Variants in QKI observed in about 807,000 individuals in gnomAD.
The protein encoded by QKI is KH domain-containing RNA-binding protein QKI.
In QKI, 10 loss-of-function variants were observed where a neutral mutation model predicts 39.0. The ratio of observed to expected loss-of-function variants is 0.26; its 90% CI spans 0.16 to 0.43. The LOEUF (loss-of-function observed/expected upper bound fraction) is 0.43, where lower values mean the gene tolerates loss of function less well. Ranked by LOEUF, QKI falls within the 20% of genes least tolerant of loss-of-function variation. QKI has a pLI of 1.00. For synonymous variants in QKI, 204 were observed against 155.4 expected (o/e 1.31, Z -2.33); for missense variants, 218 against 428.0 (o/e 0.51, Z 4.33).
chr6:163,465,208 A>T (rs188323169), intron 2 of QKI, among the ~76,000 whole-genome samples: 3 of 152,348 alleles, frequency 2.0e-5, no homozygotes, highest in Non-Finnish European at 4.4e-5. Flanking sequence ...TATGTGTGAC[A>T]GGCCCACAGC....
chr6:163,421,580 A>G (rs1404196919), intron 1 of QKI, among the ~76,000 whole-genome samples: 1 of 152,120 alleles, frequency 6.6e-6, no homozygotes, highest in Non-Finnish European at 1.5e-5. Context: ...GAGTGATTTT[A>G]GTTTAAAAGA....
At chr6:163,521,273 A>G (rs994505662) in intron 3 of QKI, among the ~76,000 whole-genome samples, 9 of 152,118 alleles carry the variant, frequency 5.9e-5, no homozygotes, top group African/African-American at 1.2e-4. Context: ...ATCCTTCCCT[A>G]TGGGAATCGC....
At chr6:163,500,677 A>G (rs548345151) in intron 3 of QKI, among the ~76,000 whole-genome samples, 13 of 152,314 alleles carry the variant, frequency 8.5e-5, no homozygotes, top group African/African-American at 3.1e-4. Flanking sequence ...TAATGCATAC[A>G]CTTAGAAATT....
At chr6:163,532,635 G>A (rs1012001092) in intron 3 of QKI, among the ~76,000 whole-genome samples, 9 of 152,172 alleles carry the variant, frequency 5.9e-5, no homozygotes, top group African/African-American at 1.4e-4. Context: ...TCCCTTACCC[G>A]TGGGGAATCC....
chr6:163,534,894 A>C (rs1431225104), intron 3 of QKI, 88 bp from the exon 4 acceptor site: 1 of 1,070,378 alleles, frequency 9.3e-7, no homozygotes, highest in East Asian at 2.8e-5. Context: ...AACATAGCTG[A>C]AATAATTGAC....
intron 3 of QKI, among the ~76,000 whole-genome samples, chr6:163,523,204 G>A (rs1377238205): frequency 6.6e-6 from 1 of 151,994 alleles, no homozygotes; most frequent in African/African-American, 2.4e-5. Context: ...TTTCACAGAA[G>A]GCAGGTAAAA....
intron 3 of QKI, among the ~76,000 whole-genome samples, chr6:163,492,449 C>A (rs1271347027): frequency 6.6e-6 from 1 of 152,052 alleles, no homozygotes; most frequent in Non-Finnish European, 1.5e-5. Flanking sequence ...TGTTTAACAA[C>A]AATTGTGAAT....
At chr6:163,457,698 C>T (rs978521195) in intron 2 of QKI, 2 of 322,688 alleles carry the variant, frequency 6.2e-6, no homozygotes, top group African/African-American at 2.2e-5. Flanking sequence ...TGATCATGTA[C>T]CTGGTCATTT....
At chr6:163,556,356 C>CA (rs1328640623) in intron 4 of QKI, among the ~76,000 whole-genome samples, 3 of 151,640 alleles carry the variant, frequency 2.0e-5, no homozygotes, top group Admixed American at 1.3e-4. Flanking sequence ...CTACTAAATA[C>CA]AAAAAATTAG....
At chr6:163,462,093 G>GA (rs891080848) in intron 2 of QKI, among the ~76,000 whole-genome samples, 2 of 151,952 alleles carry the variant, frequency 1.3e-5, no homozygotes, top group Middle Eastern at 3.2e-3. Context: ...ATTTCATTGG[G>GA]AAAAAATACA....
At chr6:163,566,281 A>T in intron 6 of QKI, 1 of 1,225,604 alleles carries the variant, frequency 8.2e-7, no homozygotes, top group Non-Finnish European at 1.0e-6. Flanking sequence ...CACAATCTGT[A>T]GGCTTTAAGA....
intron 1 of QKI, chr6:163,423,719 T>C (rs1788187642): frequency 6.6e-6 from 1 of 152,224 alleles, no homozygotes; most frequent in Non-Finnish European, 1.5e-5. Flanking sequence ...AGGCTAAAAG[T>C]GAGAAAGCCA....
intron 3 of QKI, among the ~76,000 whole-genome samples, chr6:163,491,658 T>C (rs1373653653): frequency 6.6e-6 from 1 of 152,192 alleles, no homozygotes; most frequent in Non-Finnish European, 1.5e-5. Flanking sequence ...TCCGGGTTGA[T>C]AATATCTCAG....
At chr6:163,518,336 T>C (rs1213847270) in intron 3 of QKI, among the ~76,000 whole-genome samples, 1 of 152,136 alleles carries the variant, frequency 6.6e-6, no homozygotes, top group African/African-American at 2.4e-5. Context: ...TAAGATACAA[T>C]CAATGCCTGC....
chr6:163,424,771 A>G (rs980891756), intron 1 of QKI, among the ~76,000 whole-genome samples: 2 of 151,620 alleles, frequency 1.3e-5, no homozygotes, highest in African/African-American at 4.9e-5. Flanking sequence ...AGCTGGGATT[A>G]CAGGCGTGCA....
intron 3 of QKI, among the ~76,000 whole-genome samples, chr6:163,532,230 G>A (rs891197957): frequency 3.3e-5 from 5 of 152,080 alleles, no homozygotes; most frequent in Admixed American, 6.5e-5. Context: ...GATTATAAAT[G>A]TTCCTCAGTT....
chr6:163,540,483 A>G (rs908979856), intron 4 of QKI, among the ~76,000 whole-genome samples: 9 of 152,152 alleles, frequency 5.9e-5, no homozygotes, highest in Non-Finnish European at 8.8e-5. Context: ...AATCTTTTCA[A>G]TTCGTATTTG....
At chr6:163,450,714 AT>A (rs1435366182) in intron 1 of QKI, among the ~76,000 whole-genome samples, 1 of 152,204 alleles carries the variant, frequency 6.6e-6, no homozygotes, top group African/African-American at 2.4e-5. Context: ...TAAACAAAAA[AT>A]AGTTTTCAGC....
chr6:163,423,360 T>C (rs2759386), intron 1 of QKI: 141,440 of 152,284 alleles, frequency 0.93, 65,730 homozygotes, highest in East Asian at 0.98. Context: ...TCAAACTTAC[T>C]TTGCAGATTA....
Sources: gnomAD v4.1 joint callset for allele counts (sites outside exome capture counted in the v4.1 genomes callset) on GRCh38, gnomAD v4.1.1 for gene constraint, MANE v1.5 for transcripts, NCBI Gene and HGNC (gene_info 2026-07-23, HGNC 2026-07-21) for gene names.